The following KALRN variants were observed in gnomAD, a reference collection of about 807,000 sequenced individuals.
The protein encoded by KALRN is kalirin RhoGEF kinase.
Under a neutral mutation model 353.7 loss-of-function variants are expected in KALRN, and 70 were observed. That is an observed-to-expected ratio of 0.20 (90% CI 0.16 to 0.24). The LOEUF (loss-of-function observed/expected upper bound fraction) is 0.24. KALRN is among the 10% of genes least tolerant of loss of function. KALRN has a pLI of 1.00. For missense variants in KALRN, 2,791 were observed against 3,756.7 expected (o/e 0.74, Z 6.72); for synonymous variants, 1,391 against 1,434.8 (o/e 0.97, Z 0.69).
rs777615656 is a variant in KALRN, at chr3:124,270,824, G to GTTTTT, written c.969+1588_969+1592dup. 3.3e-3 allele frequency among the ~76,000 whole-genome samples: 260 copies of GTTTTT among 78,516 alleles called. 3 individuals carry two copies. The highest frequency in any genetic ancestry group is 9.3e-3 in the African/African-American group (180 of 19,334). 51.5% of individuals were successfully genotyped at this position (78,516 alleles called of 152,430 possible). On this transcript the variant is annotated intron_variant, in intron 5 of 59. Coordinates refer to ENST00000682506, the MANE Select transcript of KALRN (RefSeq NM_001388419.1). ...TTTTCTTTGTTTATTTTTTTGTTTT[G>GTTTTT]TTTTTTTTTTTTTTTTTTTTTTTGA...
chr3:124,152,589 CTTTCTTTTTT>C (rs2068302405), intron 1 of KALRN: 194 of 442,528 alleles, frequency 4.4e-4, no homozygotes, highest in Non-Finnish European at 5.1e-4. Flanking sequence ...TTCTTTCTTT[CTTTCTTTTTT>C]TTTTTTTTTT....
At chr3:124,625,637 G>A (rs1317839115) in intron 34 of KALRN, among the ~76,000 whole-genome samples, 1 of 152,010 alleles carries the variant, frequency 6.6e-6, no homozygotes, top group Non-Finnish European at 1.5e-5. Flanking sequence ...AGACAGTTTG[G>A]GAAGCACTGC....
chr3:124,480,869 T>C (rs1239745585), intron 27 of KALRN, among the ~76,000 whole-genome samples: 1 of 152,248 alleles, frequency 6.6e-6, no homozygotes, highest in East Asian at 1.9e-4. Flanking sequence ...TCTGTGTTGT[T>C]GCATGCATCA....
chr3:124,373,248 T>C (rs1411092296), intron 10 of KALRN, among the ~76,000 whole-genome samples: 1 of 152,188 alleles, frequency 6.6e-6, no homozygotes, highest in Non-Finnish European at 1.5e-5. Flanking sequence ...TGGTCTAAAA[T>C]GGTGGTTCTC....
At chr3:124,116,695 A>G (rs1226484430) in intron 1 of KALRN, among the ~76,000 whole-genome samples, 2 of 152,216 alleles carry the variant, frequency 1.3e-5, no homozygotes, top group Non-Finnish European at 2.9e-5. Flanking sequence ...CTGTATGTTC[A>G]TACCTACAAT....
chr3:124,423,449 G>C (rs2150369545), intron 15 of KALRN, among the ~76,000 whole-genome samples: 1 of 152,290 alleles, frequency 6.6e-6, no homozygotes, highest in East Asian at 1.9e-4. Flanking sequence ...TTATAGGAAA[G>C]TTTTCTTGCC....
intron 10 of KALRN, among the ~76,000 whole-genome samples, chr3:124,360,511 T>C (rs764228807): frequency 6.6e-5 from 10 of 152,192 alleles, no homozygotes; most frequent in Non-Finnish European, 1.2e-4. Flanking sequence ...GTTTCACAAA[T>C]GTGACAACAT....
intron 5 of KALRN, among the ~76,000 whole-genome samples, chr3:124,275,593 C>T (rs2074625190): frequency 6.6e-6 from 1 of 152,212 alleles, no homozygotes; most frequent in South Asian, 2.1e-4. Flanking sequence ...GGCATGGTGC[C>T]TGGCCCAGCA....
intron 47 of KALRN, among the ~76,000 whole-genome samples, chr3:124,671,411 A>G (rs2086429706): frequency 6.6e-6 from 1 of 152,086 alleles, no homozygotes; most frequent in Non-Finnish European, 1.5e-5. Flanking sequence ...TGTTATTACC[A>G]CCACACACAT....
chr3:124,513,227 AC>A (rs1338273237), intron 33 of KALRN, among the ~76,000 whole-genome samples: 1 of 152,152 alleles, frequency 6.6e-6, no homozygotes, highest in Non-Finnish European at 1.5e-5. Context: ...TTGAAGGTTT[AC>A]CCCAAAACCC....
intron 3 of KALRN, among the ~76,000 whole-genome samples, chr3:124,263,399 T>C (rs2073132744): frequency 6.6e-6 from 1 of 152,218 alleles, no homozygotes; most frequent in African/African-American, 2.4e-5. Context: ...GCGATCTGAT[T>C]TTTTAAGCTG....
chr3:124,670,080 C>CAT, intron 47 of KALRN, among the ~76,000 whole-genome samples: 1 of 151,918 alleles, frequency 6.6e-6, no homozygotes. Context: ...AAGCGATTCT[C>CAT]ATGCTTCAGC....
At chr3:124,624,224 C>T (rs564259554) in intron 34 of KALRN, among the ~76,000 whole-genome samples, 11 of 152,314 alleles carry the variant, frequency 7.2e-5, no homozygotes, top group East Asian at 3.9e-4. Flanking sequence ...CCTCAGTTAT[C>T]GGATCAATTG....
At chr3:124,433,447 G>A (rs1475039895) in intron 16 of KALRN, among the ~76,000 whole-genome samples, 1 of 151,624 alleles carries the variant, frequency 6.6e-6, no homozygotes, top group Non-Finnish European at 1.5e-5. Flanking sequence ...AATTAGCCAA[G>A]TGTGATGGCA....
intron 1 of KALRN, among the ~76,000 whole-genome samples, chr3:124,134,674 A>C (rs2065716511): frequency 6.6e-6 from 1 of 152,192 alleles, no homozygotes; most frequent in South Asian, 2.1e-4. Context: ...CAGACAAATC[A>C]GTAAGAAAAA....
chr3:124,521,251 G>T (rs112638525), intron 33 of KALRN, among the ~76,000 whole-genome samples: 1 of 152,222 alleles, frequency 6.6e-6, no homozygotes, highest in Non-Finnish European at 1.5e-5. Context: ...GCCTCCAAGC[G>T]CTGGGCATTA....
At chr3:124,188,934 G>A (rs2074566713) in intron 1 of KALRN, among the ~76,000 whole-genome samples, 1 of 152,174 alleles carries the variant, frequency 6.6e-6, no homozygotes. Flanking sequence ...TATAGTTGAG[G>A]AACTTTGAGC....
intron 59 of KALRN, among the ~76,000 whole-genome samples, chr3:124,717,623 G>C (rs1252471628): frequency 1.3e-5 from 2 of 151,836 alleles, no homozygotes; most frequent in Non-Finnish European, 2.9e-5. Flanking sequence ...ATGAACCTGG[G>C]AGGCGGAGCT....
intron 34 of KALRN, among the ~76,000 whole-genome samples, chr3:124,576,965 T>C (rs1477102091): frequency 6.6e-6 from 1 of 152,062 alleles, no homozygotes; most frequent in African/African-American, 2.4e-5. Context: ...TTTTTAGCAA[T>C]TCCAGCTGCA....
Sources: gnomAD v4.1 joint callset for allele counts (sites outside exome capture counted in the v4.1 genomes callset) on GRCh38, gnomAD v4.1.1 for gene constraint, MANE v1.5 for transcripts, NCBI Gene and HGNC (gene_info 2026-07-23, HGNC 2026-07-21) for gene names.